PYM1: variants seen among roughly 807,000 people sequenced by gnomAD.
The protein encoded by PYM1 is partner of Y14 and mago.
PYM1 carries 7 observed loss-of-function variants against 20.7 expected under a neutral mutation model. The observed-to-expected ratio is 0.34, with a 90% CI of 0.19 to 0.64. The LOEUF (loss-of-function observed/expected upper bound fraction) is 0.64. Ranked by LOEUF, PYM1 falls within the 30% of genes least tolerant of loss-of-function variation. PYM1 has a pLI of 0.74. For synonymous variants in PYM1, 100 were observed against 99.2 expected, an observed-to-expected ratio of 1.01 and a Z score of -0.05; for missense variants, 194 against 250.0, an observed-to-expected ratio of 0.78 and a Z score of 1.51.
intron 1 of PYM1, among the ~76,000 whole-genome samples, chr12:55,920,087 C>G (rs1173527161): frequency 6.6e-6 from 1 of 151,818 alleles, no homozygotes; most frequent in African/African-American, 2.4e-5. Context: ...GTACTAGTAC[C>G]AGCTACTCAG....
At chr12:55,927,465 G>A in intron 1 of PYM1, 1 of 693,006 alleles carries the variant, frequency 1.4e-6, no homozygotes. Context: ...CCAAAAAGGG[G>A]GCCTTATAAA....
At chr12:55,924,154 G>A (rs913318015) in intron 1 of PYM1, among the ~76,000 whole-genome samples, 1 of 151,876 alleles carries the variant, frequency 6.6e-6, no homozygotes, top group Non-Finnish European at 1.5e-5. Flanking sequence ...CAGAAATAGT[G>A]ATGGAAAAAC....
intron 1 of PYM1, among the ~76,000 whole-genome samples, chr12:55,910,404 C>T (rs1245220641): frequency 3.3e-5 from 5 of 151,926 alleles, no homozygotes; most frequent in Non-Finnish European, 1.5e-5. Flanking sequence ...CCTCAGCCTG[C>T]CGAGTAGCTG....
At position 55,902,265 on chromosome 12, in the gene PYM1, G is replaced by GGAT; in HGVS notation, c.219_221dup (p.Ser74dup). The stretch of plus-strand genomic sequence containing the variant: ...GGCCTGGTTCACCACCTTCAGGCCT[G>GGAT]GATGGGGTGACAGGAGCAGTGGCCT... On this transcript the variant is annotated inframe_insertion, in exon 3 of 3. Transcript: ENST00000408946. The GGAT allele has an allele frequency of 6.2e-7, 1 of 1,614,162 alleles. No individual in the cohort carries two copies. The highest frequency in any genetic ancestry group is 8.5e-7 in the Non-Finnish European group (1 of 1,180,024).
At chr12:55,916,292 A>G (rs1399202301) in intron 1 of PYM1, among the ~76,000 whole-genome samples, 2 of 151,764 alleles carry the variant, frequency 1.3e-5, no homozygotes, top group Non-Finnish European at 2.9e-5. Context: ...CTGAAACCAC[A>G]CCAGTGCACT....
At chr12:55,926,037 G>A (rs552255492) in intron 1 of PYM1, among the ~76,000 whole-genome samples, 2 of 152,304 alleles carry the variant, frequency 1.3e-5, no homozygotes, top group African/African-American at 4.8e-5. Flanking sequence ...GAAAGCAGCA[G>A]AGCAAGAAGC....
intron 1 of PYM1, among the ~76,000 whole-genome samples, chr12:55,907,778 A>G (rs996157375): frequency 6.6e-6 from 1 of 151,358 alleles, no homozygotes; most frequent in Non-Finnish European, 1.5e-5. Context: ...ATCTCCATTA[A>G]AAACACAAAA....
chr12:55,904,259 G>A (rs1399196236), intron 1 of PYM1, among the ~76,000 whole-genome samples: 1 of 151,264 alleles, frequency 6.6e-6, no homozygotes. Context: ...GAGCCACAGC[G>A]CCTGGCCTTT....
intron 1 of PYM1, among the ~76,000 whole-genome samples, chr12:55,923,402 C>CA (rs1238588066): frequency 6.6e-6 from 1 of 151,484 alleles, no homozygotes; most frequent in Non-Finnish European, 1.5e-5. Context: ...CGCATTTCTA[C>CA]AAAAAATACA....
rs1007172748 is a variant in PYM1, at chr12:55,904,621, A to G, written c.38-1141T>C. On this transcript the variant is annotated intron_variant, in intron 1 of 2. Transcript: ENST00000408946. ...AAAAAAAAAAAAAAAAAAAAAAAAG[A>G]AAAAAAATTAGCAAAAAGCTGAAAG... 2.9e-4 allele frequency among the ~76,000 whole-genome samples: 40 copies of G among 136,326 alleles called. 1 individual carries two copies. Among genetic ancestry groups the G allele is most frequent in the Non-Finnish European group, 6.1e-4 (38 of 62,026 alleles). The allele number at this position is 136,326 out of a possible 152,430, so 89.4% of individuals were successfully genotyped here. A position where few individuals can be genotyped will look rare whatever the true frequency, so the allele number is the denominator to read the frequency against.
chr12:55,907,502 C>T (rs1328483504), intron 1 of PYM1, among the ~76,000 whole-genome samples: 1 of 150,296 alleles, frequency 6.7e-6, no homozygotes, highest in Non-Finnish European at 1.5e-5. Flanking sequence ...GGCACGGCGG[C>T]ATGCGCTTGT....
chr12:55,905,891 AT>A lies in PYM1; in HGVS notation c.38-2412del, dbSNP rs1249683545. ...TATATATCTATTAGATATATATATT[AT>A]TATATATATCTAATAGATATATATA... On this transcript the variant is annotated intron_variant, in intron 1 of 2. Transcript: ENST00000408946. 5.4e-3 allele frequency among the ~76,000 whole-genome samples: 398 copies of A among 73,502 alleles called. 44 individuals carry two copies. Among genetic ancestry groups the A allele is most frequent in the African/African-American group, 0.016 (358 of 22,860 alleles). 48.2% of individuals were successfully genotyped at this position (73,502 alleles called of 152,430 possible).
At chr12:55,908,827 G>C (rs1430132479) in intron 1 of PYM1, among the ~76,000 whole-genome samples, 3 of 152,006 alleles carry the variant, frequency 2.0e-5, no homozygotes, top group Non-Finnish European at 2.9e-5. Context: ...ACTCCAGCCT[G>C]GGTGACAGAG....
intron 1 of PYM1, chr12:55,927,243 T>TGGA: frequency 7.6e-7 from 1 of 1,307,792 alleles, no homozygotes; most frequent in Non-Finnish European, 1.1e-6. Flanking sequence ...TGGGCGGAGG[T>TGGA]GGAGGAGGAG....
intron 1 of PYM1, among the ~76,000 whole-genome samples, chr12:55,908,611 CG>C (rs780532387): frequency 6.6e-6 from 1 of 151,864 alleles, no homozygotes; most frequent in Non-Finnish European, 1.5e-5. Flanking sequence ...TACCACTTTG[CG>C]AGGCCGAGGC....
chr12:55,904,488 C>T (rs958930461), intron 1 of PYM1, among the ~76,000 whole-genome samples: 3 of 148,080 alleles, frequency 2.0e-5, no homozygotes, highest in African/African-American at 5.0e-5. Flanking sequence ...CCCAGCTACT[C>T]AGGAGGCTGA....
chr12:55,905,892 T>TCTAATAGATA (rs1440579959), intron 1 of PYM1, among the ~76,000 whole-genome samples: 1 of 69,468 alleles, frequency 1.4e-5, no homozygotes, highest in South Asian at 5.3e-4. Flanking sequence ...ATATATATTA[T>TCTAATAGATA]TATATATATC....
intron 1 of PYM1, chr12:55,927,019 T>G: frequency 6.8e-7 from 1 of 1,472,356 alleles, no homozygotes. Flanking sequence ...CCTTTCCAAG[T>G]CCGAACCCCT....
At chr12:55,926,460 C>T (rs920783644) in intron 1 of PYM1, among the ~76,000 whole-genome samples, 1 of 152,148 alleles carries the variant, frequency 6.6e-6, no homozygotes, top group African/African-American at 2.4e-5. Context: ...ACCTTAGACC[C>T]CTCAATTTCT....
Sources: allele counts gnomAD v4.1 joint callset (sites outside exome capture counted in the v4.1 genomes callset), GRCh38; gene constraint gnomAD v4.1.1; transcripts MANE v1.5; gene names NCBI Gene and HGNC (gene_info 2026-07-23, HGNC 2026-07-21).